Variants in BPIFC observed in about 807,000 individuals in gnomAD.
BPIFC encodes BPI fold-containing family C protein.
A neutral mutation model predicts 57.6 loss-of-function variants in BPIFC; 60 were observed. The observed-to-expected ratio is 1.04, with a 90% CI of 0.85 to 1.29. BPIFC has a LOEUF of 1.29. Among genes scored for constraint, BPIFC ranks in the 50% most tolerant of loss-of-function variants. The pLI is 0.00. For missense variants in BPIFC, 581 were observed against 600.5 expected, an observed-to-expected ratio of 0.97 and a Z score of 0.34; for synonymous variants, 243 against 224.5, an observed-to-expected ratio of 1.08 and a Z score of -0.74.
intron 13 of BPIFC, among the ~76,000 whole-genome samples, chr22:32,428,270 C>T (rs8139783): frequency 0.24 from 22,601 of 93,020 alleles, 1,731 homozygotes; most frequent in African/African-American, 0.3. Flanking sequence ...TGTGTGTGTG[C>T]GCGCGCGTGT....
intron 4 of BPIFC, among the ~76,000 whole-genome samples, chr22:32,448,453 C>T (rs755304927): frequency 6.6e-6 from 1 of 152,202 alleles, no homozygotes; most frequent in African/African-American, 2.4e-5. Flanking sequence ...TCCCTCCCCA[C>T]CTGTCATTGG....
chr22:32,414,364 A>C lies in BPIFC; in HGVS notation c.1463T>G (p.Phe488Cys), dbSNP rs1933608478. 6.2e-7 allele frequency: 1 copy of C among 1,613,988 alleles called. No individual in the cohort carries two copies. Among genetic ancestry groups the C allele is most frequent in the Non-Finnish European group, 8.5e-7 (1 of 1,179,972 alleles). The change falls in exon 17 of 17, where the codon TTC becomes TGC. Residue 488 changes from phenylalanine (F) to cysteine (C), a missense_variant. Transcript: ENST00000300399. ...CAGGTTCAGACCTTCCCATACGTGG[A>C]AACTTGGCTGCTGCTTTGAGGATGT... is the stretch of plus-strand genomic sequence containing the variant. The part of the protein sequence containing the change: ...YETSSKQQPS[F>C]HVWEGLNLIS...
chr22:32,436,375 AGG>A (rs1266579425), intron 9 of BPIFC, among the ~76,000 whole-genome samples: 13 of 50,210 alleles, frequency 2.6e-4, no homozygotes, highest in Admixed American at 6.4e-4. Context: ...GAGGAGGAGG[AGG>A]AAGAGGAGGA....
intron 13 of BPIFC, among the ~76,000 whole-genome samples, chr22:32,430,560 A>T (rs1037063496): frequency 2.1e-5 from 3 of 144,202 alleles, no homozygotes. Context: ...TATAAATATA[A>T]AAATATATTT....
chr22:32,435,808 T>C lies in BPIFC; in HGVS notation c.820A>G (p.Ser274Gly). 6.2e-7 allele frequency: 1 copy of C among 1,614,176 alleles called. No individual in the cohort carries two copies. Among genetic ancestry groups the C allele is most frequent in the Non-Finnish European group, 8.5e-7 (1 of 1,180,022 alleles). Residue 274 changes from serine to glycine, a missense_variant, in exon 10 of 17, where the codon AGC (serine) becomes GGC (glycine). Physicochemically the swap from Ser to Gly is moderately conservative, Grantham distance 56. Transcript: ENST00000300399. ...ATTCCAATGTAGAGCATGGAGTTGC[T>C]GCGTTCTGGGAGCACAAAAGGAACT... ...SPVPFVLPER[S>G]NSMLYIGIAE...
chr22:32,421,237 C>G (rs575519921), intron 13 of BPIFC, among the ~76,000 whole-genome samples: 2 of 152,148 alleles, frequency 1.3e-5, no homozygotes, highest in Non-Finnish European at 2.9e-5. Flanking sequence ...TCCCAATATA[C>G]ACAGTTGATT....
intron 13 of BPIFC, among the ~76,000 whole-genome samples, chr22:32,423,577 G>GGTGTGT (rs369571670): frequency 0.087 from 12,401 of 143,114 alleles, 538 homozygotes; most frequent in Middle Eastern, 0.14. Context: ...GTAGGGTGTG[G>GGTGTGT]GTGTGTGTGT....
chr22:32,453,530 T>C (rs929900612), intron 3 of BPIFC, 27 bp from the exon 4 acceptor site: 4 of 1,559,700 alleles, frequency 2.6e-6, no homozygotes, highest in Admixed American at 2.1e-5. Flanking sequence ...AAAGAATCTG[T>C]TGATAATGAC....
At chr22:32,446,658 C>G in intron 5 of BPIFC, 1 of 764,436 alleles carries the variant, frequency 1.3e-6, no homozygotes, top group Non-Finnish European at 1.6e-6. Flanking sequence ...TATCCTGTGG[C>G]ACCAACCAAG....
intron 4 of BPIFC, among the ~76,000 whole-genome samples, chr22:32,448,795 G>A (rs1171570176): frequency 3.9e-5 from 6 of 152,018 alleles, no homozygotes; most frequent in South Asian, 2.1e-4. Context: ...AAAATTAACC[G>A]GGTGTGGTGG....
chr22:32,454,565 C>T (rs918046988), intron 3 of BPIFC, among the ~76,000 whole-genome samples: 3 of 152,216 alleles, frequency 2.0e-5, no homozygotes, highest in African/African-American at 7.2e-5. Context: ...AAGTAACCTC[C>T]ATAGTTAATG....
At position 32,419,341 on chromosome 22, in the gene BPIFC, C is replaced by G. The variant is rs375343312; in HGVS notation, c.1260+21G>C. 5 of 1,608,678 alleles carry G rather than the reference C, an allele frequency of 3.1e-6. 1 individual carries two copies. Among genetic ancestry groups the G allele is most frequent in the African/African-American group, 2.7e-5 (2 of 74,684 alleles). ...CCTCGTTCTTCCAGTGCTTGGTAACCCCAAGAGCTCAGATTCCTACCTCAA... is the reference window on the plus strand; with the variant it reads ...CCTCGTTCTTCCAGTGCTTGGTAACGCCAAGAGCTCAGATTCCTACCTCAA... On this transcript the variant is annotated intron_variant, in intron 14 of 16. Transcript: ENST00000300399.
Position 32,457,357 on chromosome 22 carries a change from C to A in BPIFC, c.30G>T (p.Trp10Cys). The part of the protein sequence containing the change: MCTKTIPVL[W>C]GCFLLWNLYV... Reference sequence around the variant, plus strand: ...AGAGATTCCACAGGAGGAAACATCCCCAGAGGACTGGGATTGTCTTTGTAC... The same window carrying A: ...AGAGATTCCACAGGAGGAAACATCCACAGAGGACTGGGATTGTCTTTGTAC... The change falls in exon 3 of 17, where the codon TGG becomes TGT. Residue 10 changes from tryptophan (W) to cysteine (C), a missense_variant. Physicochemically the swap from Trp to Cys is radical, Grantham distance 215. Transcript: ENST00000300399. The A allele has an allele frequency of 6.2e-7, 1 of 1,610,390 alleles. No individual in the cohort carries two copies.
At chr22:32,419,454 T>C (rs201266849) in intron 13 of BPIFC, 50 bp from the exon 14 acceptor site, 61 of 1,526,556 alleles carry the variant, frequency 4.0e-5, no homozygotes, top group Non-Finnish European at 5.5e-5. Context: ...ACAGCCTTAG[T>C]AGAAAGAAAC....
Position 32,417,056 on chromosome 22 carries a change from A to G in BPIFC, c.1324+29T>C, listed in dbSNP as rs770249117. 2.6e-6 allele frequency: 4 copies of G among 1,529,574 alleles called. No individual in the cohort carries two copies. In the African/African-American group the frequency reaches 5.5e-5, roughly 21 times the overall value. The allele number at this position is 1,529,574 out of a possible 1,614,324, so 94.8% of individuals were successfully genotyped here. On this transcript the variant is annotated intron_variant, in intron 15 of 16. Coordinates refer to ENST00000300399, the MANE Select transcript of BPIFC (RefSeq NM_174932.3). The stretch of plus-strand genomic sequence containing the variant: ...GATGTTAAATGTTAGCCGATGTTAC[A>G]GTCACATTGTTTTCCAATAATCCCT...
intron 4 of BPIFC, among the ~76,000 whole-genome samples, chr22:32,452,964 C>G (rs1456055799): frequency 2.0e-5 from 3 of 152,162 alleles, no homozygotes; most frequent in Non-Finnish European, 4.4e-5. Flanking sequence ...CCTGAACATT[C>G]CTGATTTTAT....
chr22:32,436,296 G>T (rs748379464), intron 9 of BPIFC, among the ~76,000 whole-genome samples: 4 of 149,968 alleles, frequency 2.7e-5, no homozygotes, highest in Non-Finnish European at 4.4e-5. Context: ...GGGGGACCTT[G>T]TCCAAAAGAA....
In BPIFC at chr22:32,424,732, TTCTTCTTCCTCTTCTTCTTCC is replaced by T. The variant is rs1569448211; in HGVS notation, c.1218-5349_1218-5329del. Among the ~76,000 whole-genome samples the T allele has an allele frequency of 2.4e-3, 219 of 90,908 alleles. 3 individuals carry two copies. Among genetic ancestry groups the T allele is most frequent in the Non-Finnish European group, 3.5e-3 (164 of 47,344 alleles). The allele number at this position is 90,908 out of a possible 152,430, so 59.6% of individuals were successfully genotyped here. A position where few individuals can be genotyped will look rare whatever the true frequency, so the allele number is the denominator to read the frequency against. On this transcript the variant is annotated intron_variant, in intron 13 of 16. Transcript: ENST00000300399. Reference sequence around the variant, plus strand: ...CTTCTTCTTCCTCTTCTTCTTCCTCTTCTTCTTCCTCTTCTTCTTCCTCTTCTTCTTCTTCTTCTTCTTCTT... The same window carrying T: ...CTTCTTCTTCCTCTTCTTCTTCCTCTTCTTCTTCTTCTTCTTCTTCTTCTT...
In BPIFC at chr22:32,424,602, TCCTCCTCCTCCTCCTCC is replaced by T. The variant is rs1933952784; in HGVS notation, c.1218-5215_1218-5199del. Among the ~76,000 whole-genome samples, 121 of 65,710 alleles carry T rather than the reference TCCTCCTCCTCCTCCTCC, an allele frequency of 1.8e-3. 17 individuals are homozygous for T. The East Asian group carries it at 0.02, about 11-fold the overall frequency. 43.1% of individuals were successfully genotyped at this position (65,710 alleles called of 152,430 possible). A position where few individuals can be genotyped will look rare whatever the true frequency, so the allele number is the denominator to read the frequency against. On this transcript the variant is annotated intron_variant, in intron 13 of 16. Transcript: ENST00000300399. The stretch of plus-strand genomic sequence containing the variant: ...CTTCTTCTTCTTCTTCTTCTTCTTC[TCCTCCTCCTCCTCCTCC>T]TCCTCCTCCTCTTCTTCTTCTTCTC...
Sources: allele counts gnomAD v4.1 joint callset (sites outside exome capture counted in the v4.1 genomes callset), GRCh38; gene constraint gnomAD v4.1.1; transcripts MANE v1.5; gene names NCBI Gene and HGNC (gene_info 2026-07-23, HGNC 2026-07-21).